The following CDK14 variants were observed in gnomAD, a reference collection of about 807,000 sequenced individuals.
CDK14 encodes cyclin-dependent kinase 14.
In CDK14, 34 loss-of-function variants were observed where a neutral mutation model predicts 60.7. The observed-to-expected ratio is 0.56, with a 90% CI of 0.43 to 0.75. The LOEUF (loss-of-function observed/expected upper bound fraction) is 0.75, where lower values mean the gene tolerates loss of function less well. Ranked by LOEUF, CDK14 falls within the 30% of genes least tolerant of loss-of-function variation. The pLI is 0.00. For missense variants in CDK14, 482 were observed against 564.1 expected (o/e 0.85, Z 1.47); for synonymous variants, 197 against 203.7 (o/e 0.97, Z 0.28).
chr7:90,642,719 A>C (rs770939255), intron 2 of CDK14, among the ~76,000 whole-genome samples: 1 of 152,060 alleles, frequency 6.6e-6, no homozygotes, highest in Non-Finnish European at 1.5e-5. Context: ...AGGTATTGCC[A>C]TGTTACTTTC....
intron 2 of CDK14, among the ~76,000 whole-genome samples, chr7:90,660,419 T>C (rs1429885512): frequency 6.6e-6 from 1 of 152,200 alleles, no homozygotes; most frequent in Non-Finnish European, 1.5e-5. Flanking sequence ...AATAATAATA[T>C]TGCCTACCTC....
intron 2 of CDK14, among the ~76,000 whole-genome samples, chr7:90,699,416 G>A (rs569926619): frequency 1.3e-5 from 2 of 152,184 alleles, no homozygotes; most frequent in Admixed American, 6.5e-5. Flanking sequence ...ACATCATTTA[G>A]CCCTGCAGCA....
chr7:91,045,776 G>A (rs1797214188), intron 10 of CDK14, 121 bp from the exon 11 acceptor site: 6 of 621,610 alleles, frequency 9.7e-6, no homozygotes, highest in Admixed American at 5.5e-5. Context: ...TCTGGCATAC[G>A]ATAATGGAAA....
chr7:90,742,640 C>G (rs1035087911), intron 3 of CDK14, among the ~76,000 whole-genome samples: 4 of 151,938 alleles, frequency 2.6e-5, no homozygotes, highest in Admixed American at 1.3e-4. Context: ...CATTAAAAGT[C>G]TACGTCATAC....
At chr7:90,822,467 T>C (rs531392859) in intron 5 of CDK14, among the ~76,000 whole-genome samples, 1 of 152,292 alleles carries the variant, frequency 6.6e-6, no homozygotes, top group South Asian at 2.1e-4. Flanking sequence ...GCTGGGACCA[T>C]TGCAGACTTG....
At chr7:90,969,805 C>T (rs752704263) in intron 9 of CDK14, among the ~76,000 whole-genome samples, 48 of 151,902 alleles carry the variant, frequency 3.2e-4, no homozygotes, top group Non-Finnish European at 4.6e-4. Context: ...CAGTAGTCCT[C>T]GGTGAAGGCA....
chr7:90,676,811 C>T (rs1242901377), intron 2 of CDK14, among the ~76,000 whole-genome samples: 1 of 152,030 alleles, frequency 6.6e-6, no homozygotes, highest in African/African-American at 2.4e-5. Flanking sequence ...GCTGGGATTA[C>T]AGGCATGAGC....
At chr7:91,036,131 C>G (rs906367186) in intron 10 of CDK14, among the ~76,000 whole-genome samples, 6 of 152,208 alleles carry the variant, frequency 3.9e-5, no homozygotes, top group Non-Finnish European at 7.3e-5. Flanking sequence ...GCGTGAGCCA[C>G]TGCGCCCAGC....
chr7:90,836,383 C>T (rs1185505653), intron 5 of CDK14, among the ~76,000 whole-genome samples: 1 of 151,832 alleles, frequency 6.6e-6, no homozygotes, highest in South Asian at 2.1e-4. Flanking sequence ...AAATGTCTTT[C>T]TTAAAAACCA....
At chr7:90,906,261 T>C (rs1180656953) in intron 7 of CDK14, among the ~76,000 whole-genome samples, 1 of 152,146 alleles carries the variant, frequency 6.6e-6, no homozygotes, top group Non-Finnish European at 1.5e-5. Flanking sequence ...TCATCTTAGA[T>C]TGTTGGGAAA....
intron 3 of CDK14, among the ~76,000 whole-genome samples, chr7:90,741,478 GTT>G (rs1015752941): frequency 6.6e-6 from 1 of 152,162 alleles, no homozygotes; most frequent in African/African-American, 2.4e-5. Flanking sequence ...CCTCATGGAA[GTT>G]TATGTGCAGT....
intron 5 of CDK14, among the ~76,000 whole-genome samples, chr7:90,796,856 T>G (rs1224276281): frequency 1.3e-5 from 2 of 151,886 alleles, no homozygotes; most frequent in Non-Finnish European, 2.9e-5. Flanking sequence ...GTTAAGAAGT[T>G]GAACCATGTA....
At chr7:91,026,711 C>T (rs553226620) in intron 10 of CDK14, among the ~76,000 whole-genome samples, 1 of 152,338 alleles carries the variant, frequency 6.6e-6, no homozygotes, top group East Asian at 1.9e-4. Flanking sequence ...CTGTTTCACA[C>T]ACCATTTATA....
chr7:90,848,516 A>G (rs1191455602), intron 5 of CDK14, among the ~76,000 whole-genome samples: 2 of 152,188 alleles, frequency 1.3e-5, no homozygotes, highest in Non-Finnish European at 2.9e-5. Context: ...TGCTACCTTG[A>G]ATAAGTGCAT....
chr7:90,895,114 C>T (rs73709914), intron 6 of CDK14, among the ~76,000 whole-genome samples: 2,709 of 152,038 alleles, frequency 0.018, 67 homozygotes, highest in African/African-American at 0.059. Flanking sequence ...TTTGAAGATT[C>T]GGAGCATTTT....
At chr7:90,991,672 C>A (rs1584206586) in intron 10 of CDK14, among the ~76,000 whole-genome samples, 1 of 152,030 alleles carries the variant, frequency 6.6e-6, no homozygotes, top group Non-Finnish European at 1.5e-5. Context: ...TGCTTTTAGC[C>A]CAGAGGAAAA....
chr7:91,029,496 T>A (rs75629704), intron 10 of CDK14, among the ~76,000 whole-genome samples: 2 of 151,872 alleles, frequency 1.3e-5, no homozygotes, highest in Admixed American at 6.6e-5. Flanking sequence ...TTTTTTTTTT[T>A]AATCGGTGTT....
chr7:91,012,513 G>C (rs1796191490), intron 10 of CDK14, among the ~76,000 whole-genome samples: 1 of 152,148 alleles, frequency 6.6e-6, no homozygotes, highest in Non-Finnish European at 1.5e-5. Context: ...AACTCAGGGA[G>C]TTTTTCAGAC....
At chr7:90,720,027 C>T (rs1297863279) in intron 2 of CDK14, among the ~76,000 whole-genome samples, 1 of 152,152 alleles carries the variant, frequency 6.6e-6, no homozygotes, top group Non-Finnish European at 1.5e-5. Flanking sequence ...TCCTTATTTT[C>T]CACGAGTTAA....
Sources: allele counts gnomAD v4.1 joint callset (sites outside exome capture counted in the v4.1 genomes callset), GRCh38; gene constraint gnomAD v4.1.1; transcripts MANE v1.5; gene names NCBI Gene and HGNC (gene_info 2026-07-23, HGNC 2026-07-21).